Variants in VWC2L observed in about 807,000 individuals in gnomAD.
The protein encoded by VWC2L is von Willebrand factor C domain-containing protein 2-like.
In VWC2L, 10 loss-of-function variants were observed where a neutral mutation model predicts 21.6. The observed-to-expected ratio is 0.46, with a 90% CI of 0.29 to 0.78. The LOEUF (loss-of-function observed/expected upper bound fraction) is 0.78, where lower values mean the gene tolerates loss of function less well. Ranked by LOEUF, VWC2L falls within the 30% of genes least tolerant of loss-of-function variation. The pLI is 0.10. For synonymous variants in VWC2L, 96 were observed against 94.3 expected (o/e 1.02, Z -0.10); for missense variants, 209 against 277.1 (o/e 0.75, Z 1.74).
chr2:214,547,806 T>C (rs2105923775), intron 3 of VWC2L, among the ~76,000 whole-genome samples: 1 of 152,328 alleles, frequency 6.6e-6, no homozygotes, highest in Non-Finnish European at 1.5e-5. Context: ...AGCCTTGCGA[T>C]GACTTTATCA....
intron 3 of VWC2L, among the ~76,000 whole-genome samples, chr2:214,477,937 T>G (rs989483629): frequency 5.3e-5 from 8 of 152,262 alleles, no homozygotes; most frequent in African/African-American, 1.9e-4. Flanking sequence ...AAAAACTTTC[T>G]TTTTGATTTT....
intron 2 of VWC2L, among the ~76,000 whole-genome samples, chr2:214,418,565 C>T (rs1409719535): frequency 6.6e-6 from 1 of 152,176 alleles, no homozygotes; most frequent in African/African-American, 2.4e-5. Context: ...TTCCATTAGT[C>T]ATTGAACCCT....
intron 3 of VWC2L, among the ~76,000 whole-genome samples, chr2:214,556,822 T>C (rs1319425867): frequency 6.6e-6 from 1 of 152,130 alleles, no homozygotes; most frequent in East Asian, 1.9e-4. Flanking sequence ...TTTCAACCAC[T>C]CTCTTGTTAA....
At chr2:214,515,116 T>C (rs1004664674) in intron 3 of VWC2L, among the ~76,000 whole-genome samples, 1 of 152,118 alleles carries the variant, frequency 6.6e-6, no homozygotes, top group Non-Finnish European at 1.5e-5. Context: ...GGGAAAGCCA[T>C]AAAATTAAAG....
At chr2:214,478,535 T>C (rs376572367) in intron 3 of VWC2L, among the ~76,000 whole-genome samples, 58 of 151,478 alleles carry the variant, frequency 3.8e-4, no homozygotes, top group African/African-American at 1.3e-3. Flanking sequence ...TGTATGTGAA[T>C]AAAAGAGACA....
intron 3 of VWC2L, among the ~76,000 whole-genome samples, chr2:214,519,860 T>G (rs892318438): frequency 2.6e-5 from 4 of 152,106 alleles, no homozygotes; most frequent in African/African-American, 9.7e-5. Flanking sequence ...AAATGGTCTA[T>G]AAATGCAAAT....
At chr2:214,496,576 G>T (rs1310993106) in intron 3 of VWC2L, among the ~76,000 whole-genome samples, 5 of 152,016 alleles carry the variant, frequency 3.3e-5, no homozygotes, top group African/African-American at 1.2e-4. Context: ...TCCACATTGG[G>T]GTTTTATTTG....
intron 2 of VWC2L, among the ~76,000 whole-genome samples, chr2:214,425,732 T>C (rs920528365): frequency 1.3e-5 from 2 of 152,142 alleles, no homozygotes; most frequent in African/African-American, 4.8e-5. Flanking sequence ...CCCTTTCATA[T>C]AGAGAAGCGG....
At chr2:214,517,178 G>A (rs1167977480) in intron 3 of VWC2L, among the ~76,000 whole-genome samples, 1 of 152,192 alleles carries the variant, frequency 6.6e-6, no homozygotes, top group Admixed American at 6.5e-5. Context: ...ATGTAACACA[G>A]TTAATTAACA....
chr2:214,437,545 G>A lies in VWC2L; in HGVS notation c.520+787G>A, dbSNP rs116713650. On this transcript the variant is annotated intron_variant, in intron 3 of 3. Coordinates refer to ENST00000312504, the MANE Select transcript of VWC2L (RefSeq NM_001080500.4). ...AAAAGGAAAAAATAATTCTTTACTA[G>A]GCCACATTCCACAAATGTTCTGTCA... Among the ~76,000 whole-genome samples the A allele has an allele frequency of 2.8e-3, 423 of 152,188 alleles. 1 individual carries two copies. The highest frequency in any genetic ancestry group is 9.9e-3 in the African/African-American group (411 of 41,538).
At chr2:214,503,730 GAA>G (rs5838438) in intron 3 of VWC2L, among the ~76,000 whole-genome samples, 140 of 143,218 alleles carry the variant, frequency 9.8e-4, no homozygotes, top group Middle Eastern at 3.6e-3. Context: ...CCAGAAATGA[GAA>G]AAAAAAAAAA....
intron 3 of VWC2L, among the ~76,000 whole-genome samples, chr2:214,437,166 T>C (rs1416499274): frequency 6.6e-6 from 1 of 152,156 alleles, no homozygotes; most frequent in Non-Finnish European, 1.5e-5. Flanking sequence ...GTTTTGAATG[T>C]AGATAAGACC....
chr2:214,562,927 G>T (rs186581003), intron 3 of VWC2L, among the ~76,000 whole-genome samples: 1 of 152,174 alleles, frequency 6.6e-6, no homozygotes, highest in Non-Finnish European at 1.5e-5. Context: ...TTGCTCTGAT[G>T]ATAGTTTTGC....
chr2:214,534,052 T>C (rs919082118), intron 3 of VWC2L: 1 of 152,514 alleles, frequency 6.6e-6, no homozygotes, highest in South Asian at 2.1e-4. Flanking sequence ...GTGGCTGGAA[T>C]CAAGGGCCAG....
At chr2:214,413,689 CTT>C (rs370848719) in intron 1 of VWC2L, among the ~76,000 whole-genome samples, 4 of 152,170 alleles carry the variant, frequency 2.6e-5, no homozygotes, top group African/African-American at 9.6e-5. Flanking sequence ...TCACTAATCT[CTT>C]GAGTTGACAC....
intron 3 of VWC2L, among the ~76,000 whole-genome samples, chr2:214,470,626 AGGCTACGTGCAGT>A (rs1703290823): frequency 6.6e-6 from 1 of 152,098 alleles, no homozygotes; most frequent in Non-Finnish European, 1.5e-5. Context: ...CAAATAGGTG[AGGCTACGTGCAGT>A]GGCTCACACC....
chr2:214,436,680 G>A lies in VWC2L; in HGVS notation c.442G>A (p.Val148Ile). 1.2e-6 allele frequency: 2 copies of A among 1,613,456 alleles called. No homozygotes were observed. Among genetic ancestry groups the A allele is most frequent in the Non-Finnish European group, 1.7e-6 (2 of 1,179,496 alleles). The change falls in exon 3 of 4, where the codon GTT becomes ATT. Residue 148 changes from valine (V) to isoleucine (I), a missense_variant. Physicochemically the swap from Val to Ile is conservative, Grantham distance 29. Transcript: ENST00000312504. ...RCEPSNEVHC[V>I]VADCAVPECV... The stretch of plus-strand genomic sequence containing the variant: ...TGAGCCCAGCAATGAAGTTCACTGT[G>A]TTGTAGCAGACTGCGCAGTTCCTGA...
At chr2:214,489,653 T>G (rs1216189176) in intron 3 of VWC2L, among the ~76,000 whole-genome samples, 1 of 152,132 alleles carries the variant, frequency 6.6e-6, no homozygotes, top group East Asian at 1.9e-4. Flanking sequence ...AAGAGCAGAT[T>G]ATGAGTGTGT....
At chr2:214,435,935 C>G (rs1269014537) in intron 2 of VWC2L, among the ~76,000 whole-genome samples, 1 of 152,010 alleles carries the variant, frequency 6.6e-6, no homozygotes, top group African/African-American at 2.4e-5. Flanking sequence ...ATTTTTTTCT[C>G]TTAATTATCA....
Sources: gnomAD v4.1 joint callset for allele counts (sites outside exome capture counted in the v4.1 genomes callset) on GRCh38, gnomAD v4.1.1 for gene constraint, MANE v1.5 for transcripts, NCBI Gene and HGNC (gene_info 2026-07-23, HGNC 2026-07-21) for gene names.